ACTL6B: variants seen among roughly 807,000 people sequenced by gnomAD.
ACTL6B encodes the protein actin-like protein 6B.
Under a neutral mutation model 63.3 loss-of-function variants are expected in ACTL6B, and 48 were observed. The ratio of observed to expected loss-of-function variants is 0.76; its 90% CI spans 0.60 to 0.96. The LOEUF (loss-of-function observed/expected upper bound fraction) is 0.96, where lower values mean the gene tolerates loss of function less well. Ranked by LOEUF, ACTL6B falls within the 50% of genes least tolerant of loss-of-function variation. The pLI, the probability that ACTL6B is intolerant of heterozygous loss-of-function variation, is 0.00. For synonymous variants in ACTL6B, 230 were observed against 223.8 expected (o/e 1.03, Z -0.25); for missense variants, 350 against 572.2 (o/e 0.61, Z 3.96).
At chr7:100,644,830 C>G (rs528581740) in intron 13 of ACTL6B, among the ~76,000 whole-genome samples, 2 of 152,128 alleles carry the variant, frequency 1.3e-5, no homozygotes, top group South Asian at 2.1e-4. Context: ...CCAAGATGGG[C>G]AGATCACTTG....
intron 1 of ACTL6B, 150 bp downstream of exon 1, chr7:100,656,180 G>T (rs1432145263): frequency 1.0e-5 from 10 of 987,636 alleles, no homozygotes; most frequent in Non-Finnish European, 1.2e-5. Context: ...GTCTGGGGAG[G>T]ACCGAGCGCA....
intron 13 of ACTL6B, among the ~76,000 whole-genome samples, chr7:100,644,057 G>A (rs927353558): frequency 2.6e-5 from 4 of 152,022 alleles, no homozygotes; most frequent in East Asian, 1.9e-4. Context: ...GTGCCAACAC[G>A]CCCGGCTAAT....
intron 5 of ACTL6B, 65 bp downstream of exon 5, chr7:100,649,973 C>T: frequency 1.4e-6 from 2 of 1,435,930 alleles, no homozygotes; most frequent in Admixed American, 3.4e-5. Context: ...CTCATCACAG[C>T]TGAGCTCAGC....
rs1242271756 is a variant in ACTL6B at position 100,655,845 on chromosome 7, G to A, written c.60C>T (p.Ser20=). ...CAGCGTACCCAGCGCGGACTGAGAA[G>A]GAGCCAATGTCAAAGACCAGCGCCC... ...EVGALVFDIG[S]FSVRAGYAGE... The change falls in exon 2 of 14, where the codon TCC becomes TCT. Residue 20 remains serine, a synonymous_variant. Coordinates refer to ENST00000160382, the MANE Select transcript of ACTL6B (RefSeq NM_016188.5). This position sits in a 1 kb window ranked among gnomAD's most constrained non-coding sequence, Gnocchi z 4.4. The A allele has an allele frequency of 1.9e-6, 3 of 1,576,120 alleles. No individual in the cohort carries two copies. The highest frequency in any genetic ancestry group is 2.6e-6 in the Non-Finnish European group (3 of 1,160,498).
chr7:100,643,417 C>T, intron 13 of ACTL6B, 91 bp from the exon 14 acceptor site: 1 of 1,350,830 alleles, frequency 7.4e-7, no homozygotes, highest in South Asian at 1.2e-5. Context: ...CCAACAGGCC[C>T]CAACCACCCC....
rs576871411 is a variant in ACTL6B, at chr7:100,651,154, T to G, written c.370-1019A>C. Among the ~76,000 whole-genome samples the G allele has an allele frequency of 1.3e-3, 195 of 152,300 alleles. 1 individual carries two copies. Among genetic ancestry groups the G allele is most frequent in the African/African-American group, 4.5e-3 (188 of 41,584 alleles). On this transcript the variant is annotated intron_variant, in intron 4 of 13. Coordinates refer to ENST00000160382, the MANE Select transcript of ACTL6B (RefSeq NM_016188.5). ...AAAGTGCCTTCAAGATTCTGAAGAA[T>G]AATGATTTCTAACCTGGCATGGGAT...
intron 1 of ACTL6B, 81 bp downstream of exon 1, chr7:100,656,249 C>G: frequency 7.4e-7 from 1 of 1,342,478 alleles, no homozygotes; most frequent in Non-Finnish European, 9.6e-7. Context: ...GGTGACAGGC[C>G]CCGGGGTGCC....
intron 4 of ACTL6B, among the ~76,000 whole-genome samples, chr7:100,654,536 T>G (rs1413356037): frequency 6.6e-6 from 1 of 151,410 alleles, no homozygotes; most frequent in Admixed American, 6.6e-5. Flanking sequence ...ATCCCAACAC[T>G]TTGGGAGGCC....
Position 100,646,911 on chromosome 7 carries a change from C to G in ACTL6B, c.936+60G>C. ...CTGCAATCCTTCCCAGCCTCCCCCA[C>G]GCCCCAGGATCCAGGGACTGCAGCC... On this transcript the variant is annotated intron_variant, in intron 10 of 13. Transcript: ENST00000160382. This position sits in a 1 kb window ranked among gnomAD's most constrained non-coding sequence, Gnocchi z 6.1. 6.3e-7 allele frequency: 1 copy of G among 1,599,446 alleles called. No homozygotes were observed. Among genetic ancestry groups the G allele is most frequent in the Non-Finnish European group, 8.6e-7 (1 of 1,168,796 alleles).
rs139951317 is a variant in ACTL6B, at chr7:100,646,980, C to T, written c.927G>A (p.Ser309=). 7.4e-6 allele frequency: 12 copies of T among 1,613,706 alleles called. No individual in the cohort carries two copies. Among genetic ancestry groups the T allele is most frequent in the South Asian group, 3.3e-5 (3 of 91,070 alleles). ...LRIPEGLFDP[S]NVKGLSGNTM... ...CGCCACACAGCCAAACCTTGACGTT[C>T]GAGGGATCAAACAGGCCCTCAGGGA... The change falls in exon 10 of 14, where the codon TCG becomes TCA. Residue 309 remains serine (S), a synonymous_variant. Transcript: ENST00000160382. This position sits in a 1 kb window ranked among gnomAD's most constrained non-coding sequence, Gnocchi z 6.1.
intron 4 of ACTL6B, among the ~76,000 whole-genome samples, chr7:100,654,066 G>A (rs1465810782): frequency 2.6e-5 from 4 of 151,464 alleles, no homozygotes; most frequent in East Asian, 3.9e-4. Context: ...TCCGCCTCCC[G>A]GGTTCACGCC....
At chr7:100,654,961 G>A (rs1804010219) in intron 4 of ACTL6B, 58 bp downstream of exon 4, 2 of 1,435,330 alleles carry the variant, frequency 1.4e-6, no homozygotes, top group Admixed American at 3.6e-5. Context: ...GAGGTGGATG[G>A]TGGGAAGGAG....
In ACTL6B at chr7:100,656,374, G is replaced by A; in HGVS notation, c.-20C>T. On this transcript the variant is annotated 5_prime_UTR_variant, in exon 1 of 14. Transcript: ENST00000160382. ...GCTCATAGTGCCCGCTGCGCTGCTAGCGGCCCGTGGGCGGTGGCGGGATCA... is the reference window on the plus strand; with the variant it reads ...GCTCATAGTGCCCGCTGCGCTGCTAACGGCCCGTGGGCGGTGGCGGGATCA... 2 of 1,330,588 alleles carry A rather than the reference G, an allele frequency of 1.5e-6. No individual in the cohort carries two copies. Among genetic ancestry groups the A allele is most frequent in the Non-Finnish European group, 1.9e-6 (2 of 1,035,704 alleles). 82.4% of individuals were successfully genotyped at this position (1,330,588 alleles called of 1,614,324 possible).
chr7:100,655,057 C>T lies in ACTL6B; in HGVS notation c.331G>A (p.Glu111Lys), dbSNP rs746624433. ...ATGAGCACTGGGTGCAGGTTTGGCT[C>T]AGACTTGACGTGTTTGCTGTAGGTG... ...DHTYSKHVKS[E>K]PNLHPVLMSE... Residue 111 changes from glutamate to lysine, a missense_variant, in exon 4 of 14, where the codon GAG becomes AAG. This residue lies in a region of ACTL6B where 250 missense variants were observed against 364.7 expected (regional missense o/e 0.69). Coordinates refer to ENST00000160382, the MANE Select transcript of ACTL6B (RefSeq NM_016188.5). This position sits in a 1 kb window ranked among gnomAD's most constrained non-coding sequence, Gnocchi z 4.4. 1 of 1,613,920 alleles carries T rather than the reference C, an allele frequency of 6.2e-7. No homozygotes were observed. The highest frequency in any genetic ancestry group is 1.3e-5 in the African/African-American group (1 of 74,884).
At chr7:100,644,463 G>T (rs933592335) in intron 13 of ACTL6B, among the ~76,000 whole-genome samples, 9 of 151,436 alleles carry the variant, frequency 5.9e-5, no homozygotes, top group East Asian at 3.9e-4. Context: ...ATTTTTTTGG[G>T]TTTTTTTTGA....
intron 5 of ACTL6B, among the ~76,000 whole-genome samples, chr7:100,649,093 T>C (rs933743239): frequency 1.7e-4 from 25 of 151,016 alleles, no homozygotes; most frequent in Non-Finnish European, 2.8e-4. Context: ...CCCGGGTTCA[T>C]GCCATTCTCC....
At position 100,655,992 on chromosome 7, in the gene ACTL6B, G is replaced by A. The variant is rs980050511; in HGVS notation, c.26-113C>T. 39 of 1,098,450 alleles carry A rather than the reference G, an allele frequency of 3.6e-5. No homozygotes were observed. In the African/African-American group the frequency reaches 5.2e-4, roughly 15 times the overall value. The allele number at this position is 1,098,450 out of a possible 1,614,324, so 68.0% of individuals were successfully genotyped here. ...GTCTCGCCACTTTCAACACCAGTCT[G>A]GGGCCGGTGGGAGCTGGGCCTGGAG... On this transcript the variant is annotated intron_variant, in intron 1 of 13. Transcript: ENST00000160382. The surrounding 1 kb of genome is among the most constrained non-coding windows in gnomAD (Gnocchi z 4.4).
rs78027494 is a variant in ACTL6B at position 100,647,920 on chromosome 7, G to A, written c.670-387C>T. ...CCACTTTACATAAGACAAACCTGAG[G>A]CCCAGGGAGCTTTGATATCATGCTG... On this transcript the variant is annotated intron_variant, in intron 7 of 13. Coordinates refer to ENST00000160382, the MANE Select transcript of ACTL6B (RefSeq NM_016188.5). This position sits in a 1 kb window ranked among gnomAD's most constrained non-coding sequence, Gnocchi z 4.4. Among the ~76,000 whole-genome samples, 2,198 of 150,972 alleles carry A rather than the reference G, an allele frequency of 0.015. 50 individuals are homozygous for A. Among genetic ancestry groups the A allele is most frequent in the African/African-American group, 0.051 (2,099 of 41,098 alleles).
intron 4 of ACTL6B, among the ~76,000 whole-genome samples, chr7:100,653,797 T>C (rs1015078468): frequency 8.6e-5 from 13 of 151,924 alleles, no homozygotes; most frequent in African/African-American, 3.1e-4. Context: ...TTTTCTAAAG[T>C]GGAAAATTCA....
Sources: gnomAD v4.1 joint callset for allele counts (sites outside exome capture counted in the v4.1 genomes callset) on GRCh38, gnomAD v4.1.1 for gene constraint, gnomAD v4.1.1 regional missense constraint, Gnocchi (gnomAD v3.1) non-coding constraint, MANE v1.5 for transcripts, NCBI Gene and HGNC (gene_info 2026-07-23, HGNC 2026-07-21) for gene names.